The following ABR variants were observed in gnomAD, a reference collection of about 807,000 sequenced individuals.
ABR encodes active breakpoint cluster region-related protein.
ABR carries 35 observed loss-of-function variants against 107.2 expected under a neutral mutation model. The observed-to-expected ratio is 0.33, with a 90% CI of 0.25 to 0.43. The LOEUF (loss-of-function observed/expected upper bound fraction) is 0.43, where lower values mean the gene tolerates loss of function less well. ABR is among the 20% of genes least tolerant of loss of function. ABR has a pLI of 1.00. For synonymous variants in ABR, 498 were observed against 462.0 expected, an observed-to-expected ratio of 1.08 and a Z score of -1.00; for missense variants, 815 against 1,115.2, an observed-to-expected ratio of 0.73 and a Z score of 3.83.
At chr17:1,047,341 G>A (rs1302225787) in intron 16 of ABR, among the ~76,000 whole-genome samples, 7 of 152,254 alleles carry the variant, frequency 4.6e-5, no homozygotes, top group African/African-American at 7.2e-5. Flanking sequence ...AGACCGTTCC[G>A]TGGCTCCGTG....
At position 1,200,209 on chromosome 17, in the gene ABR, T is replaced by C. The variant is rs1055358538; in HGVS notation, c.838+28584A>G. ...ATACAGCATAACAACCACATAGCAT[T>C]TGCAATGTATTAGGTATTAAAAATA... On this transcript the variant is annotated intron_variant, in intron 1 of 22. Coordinates refer to the ABR transcript ENST00000574139. This position sits in a 1 kb window ranked among gnomAD's most constrained non-coding sequence, Gnocchi z 4.1. Among the ~76,000 whole-genome samples, 6 of 151,714 alleles carry C rather than the reference T, an allele frequency of 4.0e-5. No homozygotes were observed. Among genetic ancestry groups the C allele is most frequent in the Non-Finnish European group, 7.4e-5 (5 of 67,958 alleles).
At chr17:1,044,650 CAA>C (rs3031691) in intron 16 of ABR, among the ~76,000 whole-genome samples, 2,411 of 144,572 alleles carry the variant, frequency 0.017, 57 homozygotes, top group African/African-American at 0.054. Context: ...GACCCCATCT[CAA>C]AAAAAAAAAA....
chr17:1,094,091 C>T (rs910870374), intron 3 of ABR, among the ~76,000 whole-genome samples: 9 of 151,980 alleles, frequency 5.9e-5, no homozygotes, highest in Admixed American at 1.3e-4. Flanking sequence ...CTAGAACCAA[C>T]GGCCCCTCTG....
intron 1 of ABR, among the ~76,000 whole-genome samples, chr17:1,211,114 C>T (rs893400165): frequency 1.7e-4 from 26 of 152,150 alleles, no homozygotes; most frequent in Middle Eastern, 6.8e-3. Flanking sequence ...CCCGTCTCTA[C>T]TAAAAAATAC....
intron 16 of ABR, among the ~76,000 whole-genome samples, chr17:1,028,549 C>A (rs1434051594): frequency 6.6e-6 from 1 of 152,226 alleles, no homozygotes; most frequent in African/African-American, 2.4e-5. Flanking sequence ...GGCTCTCCAC[C>A]CCGCCCTTCC....
At chr17:1,024,024 CAAAAAAAAAAAA>C (rs11334940) in intron 16 of ABR, among the ~76,000 whole-genome samples, 4 of 47,662 alleles carry the variant, frequency 8.4e-5, no homozygotes, top group African/African-American at 2.3e-4. Context: ...GACTCCATCT[CAAAAAAAAAAAA>C]AAAAAAAAAA....
chr17:1,020,347 T>G (rs1193679916), intron 16 of ABR, among the ~76,000 whole-genome samples: 1 of 152,214 alleles, frequency 6.6e-6, no homozygotes, highest in Non-Finnish European at 1.5e-5. Flanking sequence ...CCTCCCAAAG[T>G]GCTGGGATTC....
intron 2 of ABR, among the ~76,000 whole-genome samples, chr17:1,113,673 G>A (rs1000389114): frequency 7.2e-5 from 11 of 152,154 alleles, no homozygotes; most frequent in Non-Finnish European, 1.0e-4. Context: ...AGATGTGCCC[G>A]CTGGTGCCCT....
At position 1,057,038 on chromosome 17, in the gene ABR, A is replaced by C; in HGVS notation, c.1446T>G (p.Leu482=). 6.2e-7 allele frequency: 1 copy of C among 1,613,058 alleles called. No homozygotes were observed. The highest frequency in any genetic ancestry group is 8.5e-7 in the Non-Finnish European group (1 of 1,179,290). The part of the protein sequence containing the change: ...LQVLTGSCFK[L]RTVHNIPVTS... ...TGACAGGAATGTTGTGTACAGTCCT[A>C]AGCTTGAAACAGGATCCTGTGAGCA... is the stretch of plus-strand genomic sequence containing the variant. Residue 482 remains leucine, a synonymous_variant, in exon 13 of 23, where the codon CTT becomes CTG. Transcript: ENST00000302538.
chr17:1,179,711 T>A lies in ABR; in HGVS notation c.17A>T (p.His6Leu). The A allele has an allele frequency of 1.3e-6, 2 of 1,498,494 alleles. No homozygotes were observed. Among genetic ancestry groups the A allele is most frequent in the East Asian group, 2.7e-5 (1 of 36,976 alleles). 92.8% of individuals were successfully genotyped at this position (1,498,494 alleles called of 1,614,324 possible). The change falls in exon 1 of 23, where the codon CAC becomes CTC. Residue 6 changes from histidine (H) to leucine (L), a missense_variant. Physicochemically the swap from His to Leu is moderately conservative, Grantham distance 99. This residue lies in a region of ABR where 129 missense variants were observed against 124.8 expected (regional missense o/e 1.03). Coordinates refer to ENST00000302538, the MANE Select transcript of ABR (RefSeq NM_021962.5). This position sits in a 1 kb window ranked among gnomAD's most constrained non-coding sequence, Gnocchi z 4.9. The stretch of plus-strand genomic sequence containing the variant: ...CCAGGACAGGCGCGGCAGGCCCCGG[T>A]GGCTGAGCGGCTCCATCCCGCGGCG... MEPLSHRGLPRLSWID... is the reference protein window; with the variant it reads MEPLSLRGLPRLSWID...
At position 1,010,641 on chromosome 17, in the gene ABR, A is replaced by C. The variant is rs975830754; in HGVS notation, c.2236+88T>G. On this transcript the variant is annotated intron_variant, in intron 20 of 22. Transcript: ENST00000302538. This position sits in a 1 kb window ranked among gnomAD's most constrained non-coding sequence, Gnocchi z 4.1. ...AAGGTCAGCCAGCAAAGGAAGCCAC[A>C]GATATTTCTCCTGCTGGTTACTTCT... 1.3e-6 allele frequency: 2 copies of C among 1,541,976 alleles called. No individual in the cohort carries two copies. The highest frequency in any genetic ancestry group is 1.4e-5 in the African/African-American group (1 of 73,486).
intron 16 of ABR, among the ~76,000 whole-genome samples, chr17:1,034,759 C>G (rs2073042125): frequency 1.3e-5 from 2 of 152,160 alleles, no homozygotes; most frequent in South Asian, 4.1e-4. Flanking sequence ...CGTGACTTAA[C>G]TTCAGAATCG....
intron 1 of ABR, among the ~76,000 whole-genome samples, chr17:1,133,845 T>A (rs1597928674): frequency 6.6e-6 from 1 of 152,324 alleles, no homozygotes; most frequent in Admixed American, 6.5e-5. Flanking sequence ...TACACCATTC[T>A]GGCCACTGAG....
intron 1 of ABR, among the ~76,000 whole-genome samples, chr17:1,166,680 C>T (rs1443499149): frequency 6.6e-6 from 1 of 152,184 alleles, no homozygotes; most frequent in African/African-American, 2.4e-5. Flanking sequence ...GTGGGCAGCG[C>T]GGGCCTCACC....
intron 10 of ABR, among the ~76,000 whole-genome samples, chr17:1,063,084 C>CGCTGTTGTT (rs1297187299): frequency 7.8e-5 from 10 of 127,986 alleles, no homozygotes; most frequent in African/African-American, 2.9e-4. Flanking sequence ...TTCCTCTAGA[C>CGCTGTTGTT]ACTGCTGTTA....
rs1430438154 is a variant in ABR, at chr17:1,201,564, T to G, written c.838+27229A>C. On this transcript the variant is annotated intron_variant, in intron 1 of 22. Transcript: ENST00000574139. ...AACAGGCCCCCCGATGCCGAAGAGA[T>G]GACGGCAACCCCGATATTGTGCGTG... Among the ~76,000 whole-genome samples the G allele has an allele frequency of 3.3e-5, 5 of 152,144 alleles. No homozygotes were observed. The East Asian group carries it at 9.6e-4, about 29-fold the overall frequency.
intron 1 of ABR, among the ~76,000 whole-genome samples, chr17:1,225,652 G>A (rs545541833): frequency 7.9e-5 from 12 of 151,986 alleles, no homozygotes; most frequent in East Asian, 3.9e-4. Flanking sequence ...ACTCTGTCTC[G>A]ACAAAAAAGA....
intron 2 of ABR, among the ~76,000 whole-genome samples, chr17:1,105,038 T>C (rs1251031305): frequency 7.0e-6 from 1 of 143,792 alleles, no homozygotes; most frequent in Non-Finnish European, 1.5e-5. Context: ...AGACAGAGTC[T>C]CACTGTGTCA....
chr17:1,191,354 CTTTTT>C (rs761910557), upstream of ABR, among the ~76,000 whole-genome samples: 2 of 96,490 alleles, frequency 2.1e-5, no homozygotes, highest in Non-Finnish European at 3.9e-5. Flanking sequence ...TTTTTCTTTT[CTTTTT>C]TTTTTTTTTT....
Sources: allele counts gnomAD v4.1 joint callset (sites outside exome capture counted in the v4.1 genomes callset), GRCh38; gene constraint gnomAD v4.1.1; regional missense constraint gnomAD v4.1.1; non-coding constraint Gnocchi (gnomAD v3.1); transcripts MANE v1.5; gene names NCBI Gene and HGNC (gene_info 2026-07-23, HGNC 2026-07-21).